Variants in MOB1B observed in about 807,000 individuals in gnomAD.
The protein encoded by MOB1B is MOB kinase activator 1B, also known as MOB1 Mps One Binder homolog B.
In MOB1B, 19 loss-of-function variants were observed where a neutral mutation model predicts 24.4. The ratio of observed to expected loss-of-function variants is 0.78; its 90% CI spans 0.54 to 1.14. MOB1B has a LOEUF of 1.14. Ranked by LOEUF, MOB1B falls within the 50% of genes most tolerant of loss-of-function variation. The pLI is 0.00. For missense variants in MOB1B, 243 were observed against 259.6 expected (o/e 0.94, Z 0.44); for synonymous variants, 76 against 82.1 (o/e 0.93, Z 0.40).
intron 1 of MOB1B, among the ~76,000 whole-genome samples, chr4:70,941,897 G>A (rs1737363305): frequency 6.6e-6 from 1 of 152,094 alleles, no homozygotes; most frequent in South Asian, 2.1e-4. Flanking sequence ...TGATTTGATG[G>A]TAACCCTGTA....
chr4:70,918,887 A>G (rs1736305813), intron 1 of MOB1B, among the ~76,000 whole-genome samples: 1 of 152,168 alleles, frequency 6.6e-6, no homozygotes, highest in African/African-American at 2.4e-5. Context: ...CACTATTCAC[A>G]ATAGCAAAGA....
At chr4:70,965,756 C>T (rs562231194) in intron 2 of MOB1B, among the ~76,000 whole-genome samples, 5 of 133,058 alleles carry the variant, frequency 3.8e-5, no homozygotes, top group African/African-American at 8.5e-5. Context: ...GAGATCACGC[C>T]ACTGCACTCC....
intron 1 of MOB1B, among the ~76,000 whole-genome samples, chr4:70,941,778 T>C (rs532644683): frequency 9.2e-5 from 14 of 152,236 alleles, no homozygotes; most frequent in Non-Finnish European, 1.9e-4. Flanking sequence ...AATGCTAATT[T>C]AATCTTTTAA....
At chr4:70,908,546 G>A (rs1347062221) in intron 1 of MOB1B, among the ~76,000 whole-genome samples, 1 of 150,686 alleles carries the variant, frequency 6.6e-6, no homozygotes, top group African/African-American at 2.4e-5. Flanking sequence ...AGGCTGAGGC[G>A]GGTGGATCAC....
At position 70,958,892 on chromosome 4, in the gene MOB1B, A is replaced by C. The variant is rs1179125921; in HGVS notation, c.33A>C (p.Lys11Asn). The change falls in exon 2 of 6, where the codon AAA becomes AAC. Residue 11 changes from lysine to asparagine, a missense_variant. Physicochemically the swap from Lys to Asn is moderately conservative, Grantham distance 94. Coordinates refer to ENST00000309395, the MANE Select transcript of MOB1B (RefSeq NM_173468.4). ...TTCATAGTGGTAGTCGCTCTTCTAAAACTTTTAAACCAAAGAAGAACATTC... is the reference window on the plus strand; with the variant it reads ...TTCATAGTGGTAGTCGCTCTTCTAACACTTTTAAACCAAAGAAGAACATTC... Reference protein sequence around the residue: MSFLFGSRSSKTFKPKKNIPE... With the variant: MSFLFGSRSSNTFKPKKNIPE... The C allele has an allele frequency of 6.2e-7, 1 of 1,610,746 alleles. No individual in the cohort carries two copies. Among genetic ancestry groups the C allele is most frequent in the African/African-American group, 1.3e-5 (1 of 74,648 alleles).
Position 70,902,485 on chromosome 4 carries a change from G to T in MOB1B, c.-52G>T, listed in dbSNP as rs1309539415. ...CCTTTCCTCTTCTTTCCTGGCCCACGCCGCTCCGAGGCCTCGCGACCGCCG... is the reference window on the plus strand; with the variant it reads ...CCTTTCCTCTTCTTTCCTGGCCCACTCCGCTCCGAGGCCTCGCGACCGCCG... On this transcript the variant is annotated 5_prime_UTR_variant, in exon 1 of 6. Transcript: ENST00000309395. 3 of 1,548,458 alleles carry T rather than the reference G, an allele frequency of 1.9e-6. No individual in the cohort carries two copies. In the African/African-American group the frequency reaches 4.1e-5, roughly 21 times the overall value.
At chr4:70,969,603 A>G (rs193143773) in intron 2 of MOB1B, among the ~76,000 whole-genome samples, 2 of 152,312 alleles carry the variant, frequency 1.3e-5, no homozygotes, top group East Asian at 3.9e-4. Flanking sequence ...GTGAAGTGAC[A>G]GTTTAAAATT....
At position 70,960,051 on chromosome 4, in the gene MOB1B, T is replaced by C. The variant is rs1738240952; in HGVS notation, c.181+1011T>C. On this transcript the variant is annotated intron_variant, in intron 2 of 5. Coordinates refer to ENST00000309395, the MANE Select transcript of MOB1B (RefSeq NM_173468.4). ...GGCACGCACCACCATGTCCGGCTAA[T>C]TTTTGTATTTTTAGTAGAGATGGGA... is the stretch of plus-strand genomic sequence containing the variant. Among the ~76,000 whole-genome samples the C allele has an allele frequency of 2.0e-5, 3 of 152,106 alleles. No individual in the cohort carries two copies. The South Asian group carries it at 6.2e-4, about 32-fold the overall frequency.
chr4:70,970,233 T>C (rs941581131), intron 3 of MOB1B, among the ~76,000 whole-genome samples: 2 of 152,184 alleles, frequency 1.3e-5, no homozygotes, highest in African/African-American at 4.8e-5. Flanking sequence ...TAGTCTGTCC[T>C]AACTGGATTA....
At chr4:70,950,911 G>A in intron 1 of MOB1B, 2 of 712,122 alleles carry the variant, frequency 2.8e-6, no homozygotes, top group Non-Finnish European at 4.9e-6. Flanking sequence ...TTTTGTAGAC[G>A]AGGAAGCTGA....
chr4:70,982,059 A>G lies in MOB1B; in HGVS notation c.*2A>G. On this transcript the variant is annotated 3_prime_UTR_variant, in exon 6 of 6. Coordinates refer to ENST00000309395, the MANE Select transcript of MOB1B (RefSeq NM_173468.4). ...AAACTCACCTCAAAAGACAGATAAA[A>G]GGATGCAGAGCTGTGCAAATTGTTC... 1.2e-6 allele frequency: 2 copies of G among 1,602,602 alleles called. No individual in the cohort carries two copies. Among genetic ancestry groups the G allele is most frequent in the South Asian group, 1.1e-5 (1 of 90,754 alleles).
intron 1 of MOB1B, among the ~76,000 whole-genome samples, chr4:70,948,151 G>A (rs918425150): frequency 5.3e-5 from 8 of 152,176 alleles, no homozygotes; most frequent in Non-Finnish European, 1.2e-4. Flanking sequence ...GGATGTCCCA[G>A]TGTCCCAAGT....
rs1367478113 is a variant in MOB1B at position 70,983,694 on chromosome 4, A to G, written c.*1637A>G. On this transcript the variant is annotated 3_prime_UTR_variant, in exon 6 of 6. Coordinates refer to ENST00000309395, the MANE Select transcript of MOB1B (RefSeq NM_173468.4). Reference sequence around the variant, plus strand: ...TAAAATTAAATGAATTTGTTTTGCCATTAAAGTAGAGCAGTGATACAATTT... The same window carrying G: ...TAAAATTAAATGAATTTGTTTTGCCGTTAAAGTAGAGCAGTGATACAATTT... 2 of 152,690 alleles carry G rather than the reference A, an allele frequency of 1.3e-5. No homozygotes were observed. Among genetic ancestry groups the G allele is most frequent in the East Asian group, 3.9e-4 (2 of 5,188 alleles). The allele number at this position is 152,690 out of a possible 1,614,324, so 9.5% of individuals were successfully genotyped here.
chr4:70,959,103 GT>G, intron 2 of MOB1B, 63 bp downstream of exon 2: 7 of 1,369,928 alleles, frequency 5.1e-6, no homozygotes, highest in Non-Finnish European at 7.1e-6. Context: ...TTGTTGGTGA[GT>G]GTTGGTGCTG....
intron 1 of MOB1B, among the ~76,000 whole-genome samples, chr4:70,924,686 G>C (rs1002332280): frequency 6.6e-6 from 1 of 152,156 alleles, no homozygotes; most frequent in Admixed American, 6.6e-5. Context: ...CCTGTGTCCA[G>C]TTGATCTCAT....
intron 3 of MOB1B, among the ~76,000 whole-genome samples, chr4:70,971,617 C>T (rs1032949845): frequency 7.9e-5 from 12 of 151,788 alleles, no homozygotes; most frequent in African/African-American, 1.7e-4. Context: ...ATTAGAGGAA[C>T]GGGGGCATTT....
chr4:70,916,006 C>T (rs1281872051), intron 1 of MOB1B, among the ~76,000 whole-genome samples: 5 of 152,102 alleles, frequency 3.3e-5, no homozygotes, highest in African/African-American at 1.2e-4. Flanking sequence ...ATGTTTGTTA[C>T]AGAGTTTGCA....
intron 5 of MOB1B, 40 bp from the exon 6 acceptor site, chr4:70,981,940 T>A (rs765621473): frequency 7.7e-7 from 1 of 1,292,528 alleles, no homozygotes; most frequent in Admixed American, 1.8e-5. Flanking sequence ...GCAAATAATG[T>A]TTTTGCTATT....
intron 1 of MOB1B, among the ~76,000 whole-genome samples, chr4:70,947,422 C>A (rs1737629753): frequency 6.6e-6 from 1 of 151,852 alleles, no homozygotes; most frequent in Non-Finnish European, 1.5e-5. Flanking sequence ...GACATCACAT[C>A]CCTGGCTAGT....
Sources: allele counts gnomAD v4.1 joint callset (sites outside exome capture counted in the v4.1 genomes callset), GRCh38; gene constraint gnomAD v4.1.1; transcripts MANE v1.5; gene names NCBI Gene and HGNC (gene_info 2026-07-23, HGNC 2026-07-21).